ADAMTS3: variants seen among roughly 807,000 people sequenced by gnomAD.
ADAMTS3 encodes A disintegrin and metalloproteinase with thrombospondin motifs 3.
Under a neutral mutation model 129.0 loss-of-function variants are expected in ADAMTS3, and 73 were observed. That is an observed-to-expected ratio of 0.57 (90% CI 0.47 to 0.69). The LOEUF is 0.69. Ranked by LOEUF, ADAMTS3 falls within the 30% of genes least tolerant of loss-of-function variation. The pLI is 0.00. For missense variants in ADAMTS3, 1,457 were observed against 1,514.5 expected (o/e 0.96, Z 0.63); for synonymous variants, 477 against 510.8 (o/e 0.93, Z 0.89).
Position 72,323,312 on chromosome 4 carries a change from T to C in ADAMTS3, c.862-215A>G, listed in dbSNP as rs532236677. On this transcript the variant is annotated intron_variant, in intron 5 of 21. Transcript: ENST00000286657. ...TAATTTTGTAAACTCCACAGTAATATGAACGTACAGGACATGCTCAAAAGG... is the reference window on the plus strand; with the variant it reads ...TAATTTTGTAAACTCCACAGTAATACGAACGTACAGGACATGCTCAAAAGG... 643 of 532,512 alleles carry C rather than the reference T, an allele frequency of 1.2e-3. 9 individuals carry two copies. The South Asian group carries it at 0.014, about 12-fold the overall frequency. The allele number at this position is 532,512 out of a possible 1,614,324, so 33.0% of individuals were successfully genotyped here. A position where few individuals can be genotyped will look rare whatever the true frequency, so the allele number is the denominator to read the frequency against.
chr4:72,317,021 A>G (rs1302722091), intron 10 of ADAMTS3, among the ~76,000 whole-genome samples: 1 of 151,992 alleles, frequency 6.6e-6, no homozygotes, highest in Non-Finnish European at 1.5e-5. Flanking sequence ...TTGTATAAGC[A>G]AACATGTGTA....
intron 4 of ADAMTS3, among the ~76,000 whole-genome samples, chr4:72,354,435 G>C (rs948157408): frequency 9.9e-5 from 15 of 151,954 alleles, no homozygotes; most frequent in Admixed American, 8.5e-4. Flanking sequence ...TATTGATTCA[G>C]TTTTTAACCC....
Position 72,512,986 on chromosome 4 carries a change from A to T in ADAMTS3, c.504+35492T>A, listed in dbSNP as rs374883372. On this transcript the variant is annotated intron_variant, in intron 3 of 21. Transcript: ENST00000286657. ...ATGCTCTTAAAAATACATCTTCAAG[A>T]CATCATACTTCAGCTCTCCTCTCCA... Among the ~76,000 whole-genome samples the T allele has an allele frequency of 9.3e-4, 142 of 152,238 alleles. No homozygotes were observed. In the South Asian group the frequency reaches 0.014, roughly 15 times the overall value.
chr4:72,352,483 C>G (rs1720467113), intron 4 of ADAMTS3, among the ~76,000 whole-genome samples: 1 of 152,042 alleles, frequency 6.6e-6, no homozygotes, highest in African/African-American at 2.4e-5. Context: ...TTTCTTTCCT[C>G]TCTCTCCTCC....
intron 3 of ADAMTS3, among the ~76,000 whole-genome samples, chr4:72,530,303 T>A (rs1387113133): frequency 1.2e-5 from 1 of 83,078 alleles, no homozygotes; most frequent in East Asian, 3.6e-4. Context: ...ATATATAATA[T>A]AATTATATAT....
At chr4:72,398,005 G>C (rs1721769974) in intron 4 of ADAMTS3, among the ~76,000 whole-genome samples, 1 of 152,066 alleles carries the variant, frequency 6.6e-6, no homozygotes, top group African/African-American at 2.4e-5. Flanking sequence ...AAGATAGTAA[G>C]GGATAAGGAG....
intron 4 of ADAMTS3, among the ~76,000 whole-genome samples, chr4:72,351,272 A>G (rs764931023): frequency 6.6e-6 from 1 of 151,948 alleles, no homozygotes; most frequent in Non-Finnish European, 1.5e-5. Flanking sequence ...TTTGCTGAGA[A>G]CATATGGTAG....
intron 3 of ADAMTS3, among the ~76,000 whole-genome samples, chr4:72,484,624 G>C (rs16848035): frequency 0.038 from 5,786 of 152,248 alleles, 130 homozygotes; most frequent in Non-Finnish European, 0.048. Flanking sequence ...GATCTCACAG[G>C]CTACTCACAG....
At chr4:72,425,134 T>G (rs1262436990) in intron 3 of ADAMTS3, among the ~76,000 whole-genome samples, 3 of 152,094 alleles carry the variant, frequency 2.0e-5, no homozygotes, top group Non-Finnish European at 4.4e-5. Context: ...TAGCAATGCT[T>G]GGCATTATCC....
intron 4 of ADAMTS3, among the ~76,000 whole-genome samples, chr4:72,405,293 A>C (rs1486033586): frequency 6.6e-6 from 1 of 152,132 alleles, no homozygotes; most frequent in Non-Finnish European, 1.5e-5. Context: ...AACAACCTAA[A>C]TGTTCACTGA....
intron 3 of ADAMTS3, among the ~76,000 whole-genome samples, chr4:72,502,340 T>C (rs1163588996): frequency 2.0e-5 from 3 of 152,186 alleles, no homozygotes; most frequent in Non-Finnish European, 4.4e-5. Context: ...GATTCAATCT[T>C]GGAAGGTTGC....
intron 5 of ADAMTS3, among the ~76,000 whole-genome samples, chr4:72,324,820 G>A (rs185951469): frequency 3.3e-5 from 5 of 152,234 alleles, no homozygotes; most frequent in African/African-American, 1.2e-4. Context: ...ATCCTGAGAA[G>A]AGCTAACAGC....
intron 3 of ADAMTS3, among the ~76,000 whole-genome samples, chr4:72,477,873 C>T (rs1320848747): frequency 2.6e-5 from 4 of 151,916 alleles, no homozygotes; most frequent in African/African-American, 9.7e-5. Flanking sequence ...ACCACCGATC[C>T]CACCGAAATA....
At chr4:72,332,916 A>T (rs1719886852) in intron 5 of ADAMTS3, among the ~76,000 whole-genome samples, 2 of 152,164 alleles carry the variant, frequency 1.3e-5, no homozygotes, top group African/African-American at 4.8e-5. Flanking sequence ...CTAGCAAGAG[A>T]TATATAAAAT....
intron 4 of ADAMTS3, among the ~76,000 whole-genome samples, chr4:72,347,281 T>C (rs1410736463): frequency 3.1e-5 from 4 of 127,944 alleles, no homozygotes; most frequent in Non-Finnish European, 4.7e-5. Flanking sequence ...ATTTTACTGC[T>C]TTTTTTTTTT....
chr4:72,283,918 C>A (rs1718430118), intron 21 of ADAMTS3, among the ~76,000 whole-genome samples: 1 of 152,108 alleles, frequency 6.6e-6, no homozygotes. Context: ...TTGTGATGAT[C>A]ATTATTTTAA....
intron 3 of ADAMTS3, among the ~76,000 whole-genome samples, chr4:72,460,456 G>A (rs1351264779): frequency 2.0e-5 from 3 of 151,092 alleles, no homozygotes; most frequent in Admixed American, 1.3e-4. Flanking sequence ...CCTGAAATAT[G>A]CACATTTAAA....
intron 4 of ADAMTS3, among the ~76,000 whole-genome samples, chr4:72,368,686 G>A (rs904437801): frequency 6.6e-6 from 1 of 152,200 alleles, no homozygotes; most frequent in African/African-American, 2.4e-5. Context: ...AAGGACCAGT[G>A]ATTGATGCCA....
intron 3 of ADAMTS3, among the ~76,000 whole-genome samples, chr4:72,443,676 C>T (rs907877648): frequency 2.0e-5 from 3 of 147,340 alleles, no homozygotes; most frequent in Non-Finnish European, 3.0e-5. Context: ...ATCTGAAATC[C>T]CAAAAACGTT....
Sources: gnomAD v4.1 joint callset for allele counts (sites outside exome capture counted in the v4.1 genomes callset) on GRCh38, gnomAD v4.1.1 for gene constraint, MANE v1.5 for transcripts, NCBI Gene and HGNC (gene_info 2026-07-23, HGNC 2026-07-21) for gene names.